Variants in HDAC9 observed in about 807,000 individuals in gnomAD.
HDAC9 encodes MEF-2 interacting transcription repressor (MITR) protein.
Under a neutral mutation model 139.4 loss-of-function variants are expected in HDAC9, and 41 were observed. That is an observed-to-expected ratio of 0.29 (90% CI 0.23 to 0.38). HDAC9 has a LOEUF of 0.38. Among genes scored for constraint, HDAC9 ranks in the 10% least tolerant of loss-of-function variants. The pLI is 1.00. For missense variants in HDAC9, 1,147 were observed against 1,297.0 expected, an observed-to-expected ratio of 0.88 and a Z score of 1.78; for synonymous variants, 517 against 476.2, an observed-to-expected ratio of 1.09 and a Z score of -1.12.
chr7:18,922,557 G>T lies in HDAC9; in HGVS notation c.2804-13252G>T, dbSNP rs549753732. Among the ~76,000 whole-genome samples, 263 of 152,070 alleles carry T rather than the reference G, an allele frequency of 1.7e-3. 1 individual carries two copies. Among genetic ancestry groups the T allele is most frequent in the Non-Finnish European group, 2.8e-3 (190 of 67,948 alleles). On this transcript the variant is annotated intron_variant, in intron 22 of 25. Coordinates refer to ENST00000686413, the MANE Select transcript of HDAC9 (RefSeq NM_178425.4). ...GAGATTTGGATTCAAACTTGGTCTG[G>T]GATGAGGCTCACAAATCTGCATTTT...
intron 1 of HDAC9, among the ~76,000 whole-genome samples, chr7:18,321,034 TA>T (rs1799989826): frequency 6.6e-6 from 1 of 152,200 alleles, no homozygotes; most frequent in African/African-American, 2.4e-5. Flanking sequence ...GCCATTTTTG[TA>T]GGCTACGTAT....
intron 6 of HDAC9, among the ~76,000 whole-genome samples, chr7:18,627,457 T>C (rs574297709): frequency 6.6e-5 from 10 of 152,342 alleles, no homozygotes; most frequent in Middle Eastern, 3.4e-3. Flanking sequence ...ATATTTATTA[T>C]CTATAACTTT....
At chr7:18,761,166 T>G (rs1045464407) in intron 14 of HDAC9, among the ~76,000 whole-genome samples, 1 of 152,228 alleles carries the variant, frequency 6.6e-6, no homozygotes, top group African/African-American at 2.4e-5. Context: ...TAAGGCTAAT[T>G]AACTTCGTGC....
rs558352508 is a variant in HDAC9 at position 18,989,492 on chromosome 7, T to C, written c.3171-6531T>C. Among the ~76,000 whole-genome samples, 118 of 150,696 alleles carry C rather than the reference T, an allele frequency of 7.8e-4. 1 individual carries two copies. The highest frequency in any genetic ancestry group is 2.7e-3 in the African/African-American group (111 of 41,190). ...CTCTCTGGCTGCCCTTAACATTTTTTCCTTCATTTCAACTTTGGTGAATCT... is the reference window on the plus strand; with the variant it reads ...CTCTCTGGCTGCCCTTAACATTTTTCCCTTCATTTCAACTTTGGTGAATCT... On this transcript the variant is annotated intron_variant, in intron 25 of 25. Transcript: ENST00000686413.
At chr7:18,226,867 A>G (rs189779281) in intron 2 of HDAC9, among the ~76,000 whole-genome samples, 1 of 152,346 alleles carries the variant, frequency 6.6e-6, no homozygotes, top group African/African-American at 2.4e-5. Context: ...AGATGAATAA[A>G]GGGCAACAGA....
intron 22 of HDAC9, among the ~76,000 whole-genome samples, chr7:18,908,190 T>C (rs1802436832): frequency 6.6e-6 from 1 of 152,100 alleles, no homozygotes; most frequent in Admixed American, 6.6e-5. Context: ...ACATCAATTA[T>C]AGTGCCTTTA....
intron 2 of HDAC9, among the ~76,000 whole-genome samples, chr7:18,172,094 G>A (rs1039565098): frequency 1.3e-5 from 2 of 152,050 alleles, no homozygotes; most frequent in South Asian, 2.1e-4. Flanking sequence ...TTGGTTGGTA[G>A]GCTGTTAATT....
intron 23 of HDAC9, among the ~76,000 whole-genome samples, chr7:18,946,319 T>C (rs1004982896): frequency 6.6e-6 from 1 of 152,080 alleles, no homozygotes; most frequent in African/African-American, 2.4e-5. Flanking sequence ...TCAGCTTGGG[T>C]GGTTGTACAA....
At chr7:18,734,777 G>GT (rs1359954045) in intron 13 of HDAC9, among the ~76,000 whole-genome samples, 1 of 152,182 alleles carries the variant, frequency 6.6e-6, no homozygotes, top group East Asian at 1.9e-4. Flanking sequence ...AGGTCAAATG[G>GT]TATTTCTAGC....
chr7:18,774,846 A>C (rs1039996603), intron 16 of HDAC9, among the ~76,000 whole-genome samples: 1 of 151,972 alleles, frequency 6.6e-6, no homozygotes, highest in Non-Finnish European at 1.5e-5. Flanking sequence ...AACTTGGCTA[A>C]CTGTTGGGCA....
chr7:18,644,193 A>G (rs1487506876), intron 8 of HDAC9, among the ~76,000 whole-genome samples: 2 of 152,154 alleles, frequency 1.3e-5, no homozygotes, highest in Non-Finnish European at 2.9e-5. Flanking sequence ...TGTGATTACT[A>G]TGGAAGCCCT....
chr7:18,773,364 TACACACACACAC>T (rs4043674), intron 16 of HDAC9, among the ~76,000 whole-genome samples: 1,822 of 142,834 alleles, frequency 0.013, 38 homozygotes, highest in African/African-American at 0.042. Context: ...AAAAACTGTA[TACACACACACAC>T]ACACACACAC....
chr7:18,236,722 A>G (rs546099336), intron 2 of HDAC9, among the ~76,000 whole-genome samples: 3 of 152,272 alleles, frequency 2.0e-5, no homozygotes, highest in Non-Finnish European at 4.4e-5. Flanking sequence ...ACTTGGCCGA[A>G]TTAAGACTCA....
chr7:18,175,490 G>T (rs1403607219), intron 2 of HDAC9, among the ~76,000 whole-genome samples: 3 of 152,166 alleles, frequency 2.0e-5, no homozygotes, highest in African/African-American at 7.2e-5. Context: ...TCCCAGTGAG[G>T]TGAACCAGGC....
intron 14 of HDAC9, among the ~76,000 whole-genome samples, chr7:18,752,440 C>A (rs1007787009): frequency 6.6e-6 from 1 of 152,016 alleles, no homozygotes; most frequent in Middle Eastern, 3.2e-3. Context: ...CCCAAGGACC[C>A]AAATAAAGAG....
At position 18,237,839 on chromosome 7, in the gene HDAC9, A is replaced by G. The variant is rs562457491; in HGVS notation, c.25+75490A>G. On this transcript the variant is annotated intron_variant, in intron 2 of 12. Coordinates refer to the HDAC9 transcript ENST00000417496. Reference sequence around the variant, plus strand: ...TGTGGGCTGCATATGTTCATTTGTGAGCATCTTATCAAAGGTGATGGTTGA... The same window carrying G: ...TGTGGGCTGCATATGTTCATTTGTGGGCATCTTATCAAAGGTGATGGTTGA... Among the ~76,000 whole-genome samples the G allele has an allele frequency of 2.6e-5, 4 of 152,312 alleles. No homozygotes were observed. The East Asian group carries it at 7.7e-4, about 29-fold the overall frequency.
chr7:18,384,310 GA>G (rs932810080), intron 1 of HDAC9, among the ~76,000 whole-genome samples: 15 of 145,206 alleles, frequency 1.0e-4, no homozygotes, highest in South Asian at 2.2e-4. Flanking sequence ...CCTATCTCAA[GA>G]AAAAAAAAAT....
chr7:18,345,485 T>G (rs1782336571), intron 1 of HDAC9, among the ~76,000 whole-genome samples: 1 of 151,874 alleles, frequency 6.6e-6, no homozygotes, highest in Admixed American at 6.6e-5. Context: ...GATTCAAAGC[T>G]TGTTCATTTA....
Position 18,820,176 on chromosome 7 carries a change from CAT to C in HDAC9, c.2323-8982_2323-8981del, listed in dbSNP as rs200309745. Among the ~76,000 whole-genome samples the C allele has an allele frequency of 4.9e-3, 743 of 152,212 alleles. 16 individuals are homozygous for C. Among genetic ancestry groups the C allele is most frequent in the Admixed American group, 0.042 (644 of 15,294 alleles). On this transcript the variant is annotated intron_variant, in intron 17 of 25. Coordinates refer to ENST00000686413, the MANE Select transcript of HDAC9 (RefSeq NM_178425.4). Reference sequence around the variant, plus strand: ...AATTAAGTCACTGAATTCTTTCTTGCATATGTCTTCTGATAGTTATATTTTGT... The same window carrying C: ...AATTAAGTCACTGAATTCTTTCTTGCATGTCTTCTGATAGTTATATTTTGT...
Sources: gnomAD v4.1 joint callset for allele counts (sites outside exome capture counted in the v4.1 genomes callset) on GRCh38, gnomAD v4.1.1 for gene constraint, MANE v1.5 for transcripts, NCBI Gene and HGNC (gene_info 2026-07-23, HGNC 2026-07-21) for gene names.